Variants in MAP1S observed in about 807,000 individuals in gnomAD.
MAP1S encodes microtubule associated protein 1S, also known as microtubule-associated protein 1S.
A neutral mutation model predicts 60.9 loss-of-function variants in MAP1S; 27 were observed. The observed-to-expected ratio is 0.44, with a 90% CI of 0.33 to 0.61. MAP1S has a LOEUF of 0.61. MAP1S is among the 20% of genes least tolerant of loss of function. The pLI is 0.03. For missense variants in MAP1S, 1,608 were observed against 1,486.6 expected, an observed-to-expected ratio of 1.08 and a Z score of -1.34; for synonymous variants, 826 against 694.2, an observed-to-expected ratio of 1.19 and a Z score of -2.98.
Position 17,719,524 on chromosome 19 carries a change from G to C in MAP1S, c.22G>C (p.Gly8Arg), listed in dbSNP as rs1047765544. The change falls in exon 1 of 7, where the codon GGG becomes CGG. Residue 8 changes from glycine to arginine, a missense_variant. By Grantham distance (125) the Gly-to-Arg change is moderately radical (BLOSUM62 -2). Around this residue, in one of 4 missense-constraint regions of MAP1S, gnomAD observed 45 missense variants for 22.0 expected, o/e 2.04. Transcript: ENST00000324096. ...GAAGATGGCGGCGGTGGCTGGATCT[G>C]GGGCTGCCGCGGCTCCGAGCTCACT... MAAVAGS[G>R]AAAAPSSLLL... 92 of 1,245,822 alleles carry C rather than the reference G, an allele frequency of 7.4e-5. No homozygotes were observed. Among genetic ancestry groups the C allele is most frequent in the Admixed American group, 1.3e-4 (3 of 23,664 alleles). 77.2% of individuals were successfully genotyped at this position (1,245,822 alleles called of 1,614,324 possible).
rs1180525116 is a variant in MAP1S, at chr19:17,723,188, G to A, written c.221-938G>A. 5.3e-5 allele frequency among the ~76,000 whole-genome samples: 8 copies of A among 152,154 alleles called. No homozygotes were observed. The South Asian group carries it at 6.2e-4, about 12-fold the overall frequency. On this transcript the variant is annotated intron_variant, in intron 2 of 6. Transcript: ENST00000324096. Reference sequence around the variant, plus strand: ...AGTCCTGCCTCAGGACCTTTGCTCCGGATGTACCCTCGTCCACGTTCGCCC... The same window carrying A: ...AGTCCTGCCTCAGGACCTTTGCTCCAGATGTACCCTCGTCCACGTTCGCCC...
chr19:17,728,019 A>T lies in MAP1S; in HGVS notation c.2635A>T (p.Thr879Ser), dbSNP rs1599463920. 1 of 1,611,628 alleles carries T rather than the reference A, an allele frequency of 6.2e-7. No homozygotes were observed. Among genetic ancestry groups the T allele is most frequent in the Admixed American group, 1.7e-5 (1 of 59,818 alleles). The change falls in exon 5 of 7, where the codon ACT becomes TCT. Residue 879 changes from threonine (T) to serine (S), a missense_variant. Thr to Ser is a moderately conservative substitution (Grantham distance 58, BLOSUM62 1). This residue lies in a region of MAP1S where 1,167 missense variants were observed against 961.4 expected (regional missense o/e 1.21). Coordinates refer to ENST00000324096, the MANE Select transcript of MAP1S (RefSeq NM_018174.6). ...CTCACGCGCTGCCGCCCCCAAAGCC[A>T]CTCCAGTGGCTGCTGCCAAAACCAA... ...PNSRAAAPKA[T>S]PVAAAKTKGL...
intron 5 of MAP1S, chr19:17,728,699 G>T (rs8113555): frequency 0.049 from 7,510 of 152,402 alleles, 618 homozygotes; most frequent in African/African-American, 0.17. Context: ...GGGATTACAG[G>T]TGCCTGCCAC....
At chr19:17,720,175 C>T (rs146483015) in intron 1 of MAP1S, 4 of 1,340,118 alleles carry the variant, frequency 3.0e-6, no homozygotes, top group Non-Finnish European at 2.9e-6. Flanking sequence ...GCGCACCTGC[C>T]AGGTTCACCT....
rs1238619484 is a variant in MAP1S at position 17,726,392 on chromosome 19, C to G, written c.1008C>G (p.Val336=). ...LRRLISPNLG[V]VFFNACEAAS... is the part of the protein sequence containing the mutation. ...GGCTCATCTCCCCCAACCTGGGGGTCGTGTTCTTCAACGCCTGCGAGGCCG... is the reference window on the plus strand; with the variant it reads ...GGCTCATCTCCCCCAACCTGGGGGTGGTGTTCTTCAACGCCTGCGAGGCCG... The change falls in exon 5 of 7, where the codon GTC becomes GTG. Residue 336 remains valine (V), a synonymous_variant. Transcript: ENST00000324096. 1 of 1,590,898 alleles carries G rather than the reference C, an allele frequency of 6.3e-7. No homozygotes were observed. Among genetic ancestry groups the G allele is most frequent in the East Asian group, 2.2e-5 (1 of 44,460 alleles).
intron 5 of MAP1S, 127 bp downstream of exon 5, chr19:17,728,299 G>A: frequency 2.8e-6 from 3 of 1,072,448 alleles, no homozygotes; most frequent in Non-Finnish European, 3.9e-6. Flanking sequence ...CTCTGAGCTG[G>A]AGTGCAGTGG....
rs771531950 is a variant in MAP1S, at chr19:17,726,324, G to C, written c.940G>C (p.Glu314Gln). Residue 314 changes from glutamate (E) to glutamine (Q), a missense_variant, in exon 5 of 7, where the codon GAG (glutamate) becomes CAG (glutamine). Transcript: ENST00000324096. ...LLRRKLAERS[E>Q]VAAGGGSWDD... ...GCGGCGCAAACTGGCGGAGCGCTCC[G>C]AGGTGGCTGCTGGTGGGGGCTCCTG... 5 of 1,604,148 alleles carry C rather than the reference G, an allele frequency of 3.1e-6. No individual in the cohort carries two copies. The highest frequency in any genetic ancestry group is 4.2e-6 in the Non-Finnish European group (5 of 1,178,488).
Position 17,726,597 on chromosome 19 carries a change from G to A in MAP1S, c.1213G>A (p.Ala405Thr), listed in dbSNP as rs759397044. ...MYVLHPPSAG[A>T]ERTLASVCAL... ...TGTGCTGCACCCGCCCTCCGCCGGC[G>A]CCGAGCGCACGCTGGCCTCTGTGTG... The change falls in exon 5 of 7, where the codon GCC becomes ACC. Residue 405 changes from alanine to threonine, a missense_variant. Transcript: ENST00000324096. The A allele has an allele frequency of 1.0e-5, 16 of 1,572,092 alleles. No homozygotes were observed. Among genetic ancestry groups the A allele is most frequent in the South Asian group, 3.4e-5 (3 of 87,182 alleles).
intron 1 of MAP1S, chr19:17,720,649 T>A: frequency 1.2e-6 from 1 of 805,240 alleles, no homozygotes; most frequent in East Asian, 2.7e-5. Flanking sequence ...GCAAGGGCGG[T>A]GAGTGGAAAC....
intron 5 of MAP1S, among the ~76,000 whole-genome samples, chr19:17,732,788 C>G (rs2080502998): frequency 6.6e-6 from 1 of 152,154 alleles, no homozygotes; most frequent in Non-Finnish European, 1.5e-5. Context: ...TGATTGCCAC[C>G]CACTCGCCCC....
chr19:17,725,217 T>G lies in MAP1S; in HGVS notation c.444+28T>G. ...AAGCCACCCCTTTGCCATCCCCTGC[T>G]TCCCCAGCTCTGAATCCTGACTGGG... On this transcript the variant is annotated intron_variant, in intron 4 of 6. Coordinates refer to ENST00000324096, the MANE Select transcript of MAP1S (RefSeq NM_018174.6). This position sits in a 1 kb window ranked among gnomAD's most constrained non-coding sequence, Gnocchi z 4.2. The G allele has an allele frequency of 6.3e-7, 1 of 1,587,706 alleles. No individual in the cohort carries two copies. Among genetic ancestry groups the G allele is most frequent in the Non-Finnish European group, 8.6e-7 (1 of 1,167,082 alleles).
chr19:17,723,328 C>T (rs2080387708), intron 2 of MAP1S, among the ~76,000 whole-genome samples: 1 of 148,770 alleles, frequency 6.7e-6, no homozygotes, highest in Admixed American at 6.7e-5. Flanking sequence ...AGGCGGATCA[C>T]CTGAGGTCAG....
rs765273727 is a variant in MAP1S at position 17,724,224 on chromosome 19, C to T, written c.303+16C>T. 1.8e-5 allele frequency: 29 copies of T among 1,610,152 alleles called. No individual in the cohort carries two copies. Among genetic ancestry groups the T allele is most frequent in the African/African-American group, 8.0e-5 (6 of 74,830 alleles). On this transcript the variant is annotated intron_variant, in intron 3 of 6. Coordinates refer to ENST00000324096, the MANE Select transcript of MAP1S (RefSeq NM_018174.6). ...GTATGATGAGGTAGGGAATGGCTGA[C>T]GTCCTGGAGGGGGCGGGCTGCTGGG...
chr19:17,730,706 A>C (rs1469045723), intron 5 of MAP1S, among the ~76,000 whole-genome samples: 1 of 152,138 alleles, frequency 6.6e-6, no homozygotes, highest in African/African-American at 2.4e-5. Context: ...TTAGCAGATA[A>C]ATGGCTTGCA....
Position 17,727,194 on chromosome 19 carries a change from CAGCTGGTGGCCACGCCCAGCCTGG to C in MAP1S, c.1817_1840del (p.Val606_Leu613del), listed in dbSNP as rs767970090. On this transcript the variant is annotated inframe_deletion, in exon 5 of 7. Coordinates refer to ENST00000324096, the MANE Select transcript of MAP1S (RefSeq NM_018174.6). This position sits in a 1 kb window ranked among gnomAD's most constrained non-coding sequence, Gnocchi z 4.1. ...TGCAGCCTGCGGCTCTCCGGCCTCC[CAGCTGGTGGCCACGCCCAGCCTGG>C]AGCTGGGGCCGATCCCAGCCGGGGA... 28 of 1,575,282 alleles carry C rather than the reference CAGCTGGTGGCCACGCCCAGCCTGG, an allele frequency of 1.8e-5. No homozygotes were observed. The highest frequency in any genetic ancestry group is 8.0e-5 in the South Asian group (7 of 87,310).
At chr19:17,723,235 T>C (rs1398969972) in intron 2 of MAP1S, among the ~76,000 whole-genome samples, 1 of 152,184 alleles carries the variant, frequency 6.6e-6, no homozygotes, top group East Asian at 1.9e-4. Context: ...CCTCGAGCTC[T>C]GGCTCTCTGT....
intron 2 of MAP1S, 96 bp from the exon 3 acceptor site, chr19:17,724,030 T>C: frequency 2.3e-6 from 2 of 888,498 alleles, no homozygotes; most frequent in Non-Finnish European, 3.7e-6. Context: ...TTAATCTCCA[T>C]ATGATCCCTG....
chr19:17,724,350 T>G, intron 3 of MAP1S, 142 bp downstream of exon 3: 6 of 640,918 alleles, frequency 9.4e-6, no homozygotes, highest in Non-Finnish European at 1.1e-5. Context: ...CACGAAGCCT[T>G]CCCTGTGGCT....
At position 17,727,828 on chromosome 19, in the gene MAP1S, G is replaced by T; in HGVS notation, c.2444G>T (p.Gly815Val). The T allele has an allele frequency of 6.2e-7, 1 of 1,613,422 alleles. No individual in the cohort carries two copies. Among genetic ancestry groups the T allele is most frequent in the South Asian group, 1.1e-5 (1 of 91,046 alleles). Residue 815 changes from glycine (G) to valine (V), a missense_variant, in exon 5 of 7, where the codon GGC (glycine) becomes GTC (valine). By Grantham distance (109) the Gly-to-Val change is moderately radical. Coordinates refer to ENST00000324096, the MANE Select transcript of MAP1S (RefSeq NM_018174.6). This position sits in a 1 kb window ranked among gnomAD's most constrained non-coding sequence, Gnocchi z 4.1. Reference sequence around the variant, plus strand: ...GCAGACTCAGACGAAGACACAGAGGGCTTTGGAGTCCCTCGCCACGACCCT... The same window carrying T: ...GCAGACTCAGACGAAGACACAGAGGTCTTTGGAGTCCCTCGCCACGACCCT... The part of the protein sequence containing the change: ...GAADSDEDTE[G>V]FGVPRHDPLP...
Sources: allele counts gnomAD v4.1 joint callset (sites outside exome capture counted in the v4.1 genomes callset), GRCh38; gene constraint gnomAD v4.1.1; regional missense constraint gnomAD v4.1.1; non-coding constraint Gnocchi (gnomAD v3.1); transcripts MANE v1.5; gene names NCBI Gene and HGNC (gene_info 2026-07-23, HGNC 2026-07-21).